The following AGAP1 variants were observed in gnomAD, a reference collection of about 807,000 sequenced individuals.
The protein encoded by AGAP1 is ArfGAP with GTPase domain, ankyrin repeat and PH domain 1.
Under a neutral mutation model 105.3 loss-of-function variants are expected in AGAP1, and 29 were observed. The observed-to-expected ratio is 0.28, with a 90% CI of 0.21 to 0.38. The LOEUF is 0.38. Ranked by LOEUF, AGAP1 falls within the 10% of genes least tolerant of loss-of-function variation. The pLI, the probability that AGAP1 is intolerant of heterozygous loss-of-function variation, is 1.00. For synonymous variants in AGAP1, 509 were observed against 485.9 expected (o/e 1.05, Z -0.63); for missense variants, 998 against 1,165.1 (o/e 0.86, Z 2.09).
rs1003472106 is a variant in AGAP1 at position 235,752,515 on chromosome 2, T to C, written c.673+2027T>C. Among the ~76,000 whole-genome samples the C allele has an allele frequency of 4.6e-5, 7 of 152,110 alleles. No homozygotes were observed. Among genetic ancestry groups the C allele is most frequent in the Non-Finnish European group, 1.0e-4 (7 of 68,014 alleles). ...TTTCATGACGCAGAGCCACGCTTTG[T>C]GTCGATGGGCTGCAGCGGGTTTGGG... On this transcript the variant is annotated intron_variant, in intron 6 of 17. Coordinates refer to ENST00000304032, the MANE Select transcript of AGAP1 (RefSeq NM_001037131.3). This position sits in a 1 kb window ranked among gnomAD's most constrained non-coding sequence, Gnocchi z 4.3.
chr2:235,794,219 CT>C (rs1441968577), intron 6 of AGAP1, among the ~76,000 whole-genome samples: 3 of 152,106 alleles, frequency 2.0e-5, no homozygotes, highest in African/African-American at 4.8e-5. Context: ...TTAGAGGTAT[CT>C]TTTATCTGTT....
Position 235,819,358 on chromosome 2 carries a change from A to G in AGAP1, c.1050+12027A>G, listed in dbSNP as rs1208879706. Among the ~76,000 whole-genome samples, 3 of 151,532 alleles carry G rather than the reference A, an allele frequency of 2.0e-5. No individual in the cohort carries two copies. The East Asian group carries it at 5.9e-4, about 30-fold the overall frequency. On this transcript the variant is annotated intron_variant, in intron 9 of 17. Coordinates refer to ENST00000304032, the MANE Select transcript of AGAP1 (RefSeq NM_001037131.3). ...TCAAACTCCTGAGCTCAGGCAATCC[A>G]CCCACCTCCACCTCCCAGAGTGCTG...
intron 9 of AGAP1, among the ~76,000 whole-genome samples, chr2:235,860,938 C>T (rs923838133): frequency 1.3e-5 from 2 of 152,186 alleles, no homozygotes; most frequent in Non-Finnish European, 2.9e-5. Flanking sequence ...TGTGTACGGC[C>T]GTCAGCCTCC....
At chr2:235,579,485 T>C (rs1474307518) in intron 1 of AGAP1, among the ~76,000 whole-genome samples, 2 of 152,076 alleles carry the variant, frequency 1.3e-5, no homozygotes, top group African/African-American at 4.8e-5. Context: ...CATTTAAAAG[T>C]GAACACTTGG....
Position 235,859,386 on chromosome 2 carries a change from C to A in AGAP1, c.1051-23959C>A, listed in dbSNP as rs138036606. On this transcript the variant is annotated intron_variant, in intron 9 of 17. Coordinates refer to ENST00000304032, the MANE Select transcript of AGAP1 (RefSeq NM_001037131.3). ...ATCCTGAAATCTGCAACTCTCCCCC[C>A]ACAACCTCCCCCCCCCCCCCCGCCT... Among the ~76,000 whole-genome samples the A allele has an allele frequency of 3.8e-3, 342 of 89,406 alleles. 16 individuals are homozygous for A. Among genetic ancestry groups the A allele is most frequent in the East Asian group, 0.038 (69 of 1,828 alleles). 58.7% of individuals were successfully genotyped at this position (89,406 alleles called of 152,430 possible).
chr2:235,764,724 G>GT (rs1465879289), intron 6 of AGAP1, among the ~76,000 whole-genome samples: 18 of 109,360 alleles, frequency 1.6e-4, no homozygotes, highest in South Asian at 3.5e-4. Flanking sequence ...CGCCCGTGGG[G>GT]TGGGGGCATC....
At position 235,724,003 on chromosome 2, in the gene AGAP1, T is replaced by C. The variant is rs1446257567; in HGVS notation, c.310+6359T>C. On this transcript the variant is annotated intron_variant, in intron 3 of 17. Transcript: ENST00000304032. The surrounding 1 kb of genome is among the most constrained non-coding windows in gnomAD (Gnocchi z 4.9). ...CGGCTGCCTGCGAGGGTCAGTGGTGTCGTAGCCTGCTGCCGCCACACAGAG... is the reference window on the plus strand; with the variant it reads ...CGGCTGCCTGCGAGGGTCAGTGGTGCCGTAGCCTGCTGCCGCCACACAGAG... 6.6e-6 allele frequency among the ~76,000 whole-genome samples: 1 copy of C among 152,096 alleles called. No homozygotes were observed. Among genetic ancestry groups the C allele is most frequent in the African/African-American group, 2.4e-5 (1 of 41,396 alleles).
At chr2:235,980,330 A>G (rs927127123) in intron 13 of AGAP1, among the ~76,000 whole-genome samples, 7 of 152,132 alleles carry the variant, frequency 4.6e-5, no homozygotes, top group African/African-American at 1.4e-4. Flanking sequence ...AGTGCTTTTT[A>G]GTTGGAATTG....
At chr2:235,571,083 G>T (rs1944496852) in intron 1 of AGAP1, among the ~76,000 whole-genome samples, 1 of 152,146 alleles carries the variant, frequency 6.6e-6, no homozygotes, top group African/African-American at 2.4e-5. Context: ...AGTAAGAGAG[G>T]GGTTGCAGGG....
In AGAP1 at chr2:235,631,686, G is replaced by T. The variant is rs1322417486; in HGVS notation, c.164-77493G>T. Among the ~76,000 whole-genome samples, 1 of 152,228 alleles carries T rather than the reference G, an allele frequency of 6.6e-6. No homozygotes were observed. Among genetic ancestry groups the T allele is most frequent in the Non-Finnish European group, 1.5e-5 (1 of 68,042 alleles). ...GCTTAGGTGACCTTCGATGGCACGG[G>T]GGATAGCAGTATCTGCTTCACATGG... On this transcript the variant is annotated intron_variant, in intron 1 of 17. Coordinates refer to ENST00000304032, the MANE Select transcript of AGAP1 (RefSeq NM_001037131.3). The surrounding 1 kb of genome is among the most constrained non-coding windows in gnomAD (Gnocchi z 5.4).
Position 235,599,248 on chromosome 2 carries a change from C to T in AGAP1, c.163+104399C>T, listed in dbSNP as rs1029303880. Among the ~76,000 whole-genome samples, 3 of 152,144 alleles carry T rather than the reference C, an allele frequency of 2.0e-5. No individual in the cohort carries two copies. The highest frequency in any genetic ancestry group is 1.9e-4 in the East Asian group (1 of 5,174). On this transcript the variant is annotated intron_variant, in intron 1 of 17. Coordinates refer to ENST00000304032, the MANE Select transcript of AGAP1 (RefSeq NM_001037131.3). This position sits in a 1 kb window ranked among gnomAD's most constrained non-coding sequence, Gnocchi z 5.3. ...CGAGAACCCACACAGCTGTTCATTT[C>T]GGTGGCCGAGGGCCTGTGGGCTGCA...
chr2:236,010,621 C>T (rs1197396106), intron 13 of AGAP1, among the ~76,000 whole-genome samples: 1 of 152,156 alleles, frequency 6.6e-6, no homozygotes, highest in African/African-American at 2.4e-5. Flanking sequence ...ACTTTGTCCA[C>T]GTTAGGATCG....
intron 1 of AGAP1, among the ~76,000 whole-genome samples, chr2:235,651,008 G>C (rs532442612): frequency 6.6e-6 from 1 of 151,474 alleles, no homozygotes; most frequent in Non-Finnish European, 1.5e-5. Flanking sequence ...GGTGAAACCC[G>C]GTCTCTCTTA....
Position 235,960,068 on chromosome 2 carries a change from A to G in AGAP1, c.1484-8394A>G, listed in dbSNP as rs559276138. On this transcript the variant is annotated intron_variant, in intron 12 of 17. Transcript: ENST00000304032. The surrounding 1 kb of genome is among the most constrained non-coding windows in gnomAD (Gnocchi z 4.9). ...AGACGCACCCTGCCCTGCCTGCAGCATGGCCTGGAAAGTCACTGCCTCAAC... is the reference window on the plus strand; with the variant it reads ...AGACGCACCCTGCCCTGCCTGCAGCGTGGCCTGGAAAGTCACTGCCTCAAC... 3.7e-4 allele frequency among the ~76,000 whole-genome samples: 56 copies of G among 152,296 alleles called. No individual in the cohort carries two copies. The highest frequency in any genetic ancestry group is 6.8e-4 in the Non-Finnish European group (46 of 68,016).
chr2:235,946,111 A>G (rs1392074573), intron 12 of AGAP1, among the ~76,000 whole-genome samples: 1 of 151,376 alleles, frequency 6.6e-6, no homozygotes, highest in East Asian at 1.9e-4. Flanking sequence ...CCCTAATTAA[A>G]AAAAAAAATA....
At chr2:235,604,366 C>T (rs1021984442) in intron 1 of AGAP1, among the ~76,000 whole-genome samples, 1 of 151,322 alleles carries the variant, frequency 6.6e-6, no homozygotes, top group Non-Finnish European at 1.5e-5. Flanking sequence ...CCTGTAGTGC[C>T]AGCTACTCGG....
intron 1 of AGAP1, among the ~76,000 whole-genome samples, chr2:235,597,361 C>T (rs942632800): frequency 1.3e-5 from 2 of 152,218 alleles, no homozygotes; most frequent in African/African-American, 2.4e-5. Context: ...TTGTCCTCTG[C>T]CACACACAGC....
intron 11 of AGAP1, among the ~76,000 whole-genome samples, chr2:235,923,010 G>A (rs565251814): frequency 5.9e-5 from 9 of 152,294 alleles, no homozygotes; most frequent in Non-Finnish European, 1.3e-4. Flanking sequence ...CCATATCAAG[G>A]AAGTGGCGCA....
At chr2:235,997,329 T>A (rs2055861329) in intron 13 of AGAP1, among the ~76,000 whole-genome samples, 3 of 152,204 alleles carry the variant, frequency 2.0e-5, no homozygotes, top group Non-Finnish European at 4.4e-5. Context: ...CCTCAGGTGA[T>A]CCGCCCACCT....
Sources: gnomAD v4.1 joint callset for allele counts (sites outside exome capture counted in the v4.1 genomes callset) on GRCh38, gnomAD v4.1.1 for gene constraint, Gnocchi (gnomAD v3.1) non-coding constraint, MANE v1.5 for transcripts, NCBI Gene and HGNC (gene_info 2026-07-23, HGNC 2026-07-21) for gene names.